KLHL1: variants seen among roughly 807,000 people sequenced by gnomAD.
KLHL1 encodes the protein kelch like family member 1.
KLHL1 carries 47 observed loss-of-function variants against 77.7 expected under a neutral mutation model. That is an observed-to-expected ratio of 0.60 (90% CI 0.48 to 0.77). The LOEUF is 0.77. Among genes scored for constraint, KLHL1 ranks in the 30% least tolerant of loss-of-function variants. KLHL1 has a pLI of 0.00. For synonymous variants in KLHL1, 360 were observed against 325.2 expected (o/e 1.11, Z -1.15); for missense variants, 925 against 910.8 (o/e 1.02, Z -0.20).
chr13:69,739,203 G>A (rs995203264), intron 8 of KLHL1, among the ~76,000 whole-genome samples: 1 of 152,180 alleles, frequency 6.6e-6, no homozygotes, highest in African/African-American at 2.4e-5. Flanking sequence ...AGCAAATGCT[G>A]AGGGAATTTG....
At chr13:70,046,680 T>C (rs1886505431) in intron 1 of KLHL1, among the ~76,000 whole-genome samples, 1 of 152,018 alleles carries the variant, frequency 6.6e-6, no homozygotes, top group South Asian at 2.1e-4. Context: ...TGTTGTTGTT[T>C]TGTTCTGTTT....
At chr13:70,024,377 G>T (rs868323670) in intron 1 of KLHL1, among the ~76,000 whole-genome samples, 1 of 151,336 alleles carries the variant, frequency 6.6e-6, no homozygotes, top group Non-Finnish European at 1.5e-5. Context: ...AGTGAGAAAG[G>T]GGGAAGAGAG....
chr13:69,924,739 C>T (rs374093787), intron 4 of KLHL1, among the ~76,000 whole-genome samples: 4 of 152,170 alleles, frequency 2.6e-5, no homozygotes, highest in Admixed American at 1.3e-4. Context: ...GAAGAGCAGC[C>T]GCCCTTTAGG....
intron 1 of KLHL1, among the ~76,000 whole-genome samples, chr13:69,990,623 A>G (rs966236322): frequency 1.3e-5 from 2 of 152,074 alleles, no homozygotes; most frequent in Admixed American, 6.6e-5. Flanking sequence ...AGACCTAACT[A>G]TCCTAATTCT....
Position 70,107,316 on chromosome 13 carries a change from C to T in KLHL1, c.384G>A (p.Glu128=). 1 of 1,614,178 alleles carries T rather than the reference C, an allele frequency of 6.2e-7. No homozygotes were observed. Among genetic ancestry groups the T allele is most frequent in the South Asian group, 1.1e-5 (1 of 91,084 alleles). Reference sequence around the variant, plus strand: ...CAGGAAAGTCCATGCCTGGCACCACCTCCTCCTCTAGTGACTCCACGTAGA... The same window carrying T: ...CAGGAAAGTCCATGCCTGGCACCACTTCCTCCTCTAGTGACTCCACGTAGA... The part of the protein sequence containing the change: ...TLFYVESLEE[E]VVPGMDFPGP... Residue 128 remains glutamate, a synonymous_variant, in exon 1 of 11, where the codon GAG becomes GAA. Coordinates refer to ENST00000377844, the MANE Select transcript of KLHL1 (RefSeq NM_020866.3).
At chr13:70,075,475 C>G (rs1433036828) in intron 1 of KLHL1, among the ~76,000 whole-genome samples, 1 of 147,696 alleles carries the variant, frequency 6.8e-6, no homozygotes, top group Non-Finnish European at 1.5e-5. Context: ...CTTATTTGCT[C>G]AAAAACAACT....
intron 3 of KLHL1, among the ~76,000 whole-genome samples, chr13:69,944,710 A>G (rs74090626): frequency 0.13 from 19,503 of 152,132 alleles, 1,954 homozygotes; most frequent in East Asian, 0.29. Flanking sequence ...AAATTGCAAA[A>G]CTGATTATAA....
chr13:69,769,194 A>G lies in KLHL1; in HGVS notation c.1639+27544T>C, dbSNP rs1054534770. ...TAGCAAGGAAATGACATTAGGCCCA[A>G]CTGCTAAGGTTTGAAAAAGATTTTT... On this transcript the variant is annotated intron_variant, in intron 7 of 10. Transcript: ENST00000377844. 4.6e-5 allele frequency among the ~76,000 whole-genome samples: 7 copies of G among 152,162 alleles called. No homozygotes were observed. In the East Asian group the frequency reaches 1.4e-3, roughly 29 times the overall value.
chr13:69,755,137 C>CTTAGA (rs1017998688), intron 7 of KLHL1, among the ~76,000 whole-genome samples: 1 of 152,012 alleles, frequency 6.6e-6, no homozygotes, highest in African/African-American at 2.4e-5. Flanking sequence ...CCCTCATGGG[C>CTTAGA]TTAGAGTCAT....
intron 5 of KLHL1, among the ~76,000 whole-genome samples, chr13:69,847,872 A>C (rs886726354): frequency 6.6e-6 from 1 of 151,654 alleles, no homozygotes; most frequent in Admixed American, 6.6e-5. Context: ...AGCCATGAAT[A>C]ATAAAATATT....
At chr13:70,044,132 C>A (rs563216588) in intron 1 of KLHL1, among the ~76,000 whole-genome samples, 17 of 152,268 alleles carry the variant, frequency 1.1e-4, no homozygotes, top group African/African-American at 3.6e-4. Context: ...TAGCTTCCTT[C>A]TTTTCTTATC....
chr13:69,717,784 G>A (rs1169273376), intron 9 of KLHL1, among the ~76,000 whole-genome samples: 3 of 152,038 alleles, frequency 2.0e-5, no homozygotes, highest in African/African-American at 7.2e-5. Flanking sequence ...ATAAATGATT[G>A]CACATTTGTG....
chr13:69,788,099 G>A (rs1445557347), intron 7 of KLHL1, among the ~76,000 whole-genome samples: 2 of 152,268 alleles, frequency 1.3e-5, no homozygotes, highest in Non-Finnish European at 2.9e-5. Context: ...GGAAGACAGT[G>A]TGGCGATTCC....
intron 6 of KLHL1, among the ~76,000 whole-genome samples, chr13:69,836,994 C>T (rs1271257244): frequency 6.6e-6 from 1 of 151,776 alleles, no homozygotes; most frequent in Non-Finnish European, 1.5e-5. Flanking sequence ...ATGATGAACA[C>T]TTGGGGATTG....
intron 1 of KLHL1, among the ~76,000 whole-genome samples, chr13:70,084,696 A>T (rs1406897797): frequency 7.9e-6 from 1 of 126,248 alleles, no homozygotes; most frequent in African/African-American, 3.0e-5. Flanking sequence ...AGGATGGTCT[A>T]GATATCCTGA....
At chr13:70,015,868 C>T (rs1326989960) in intron 1 of KLHL1, among the ~76,000 whole-genome samples, 1 of 152,084 alleles carries the variant, frequency 6.6e-6, no homozygotes, top group Non-Finnish European at 1.5e-5. Flanking sequence ...TATAATATTA[C>T]CATAACATAA....
At chr13:70,065,155 G>C (rs2137410236) in intron 1 of KLHL1, among the ~76,000 whole-genome samples, 1 of 152,200 alleles carries the variant, frequency 6.6e-6, no homozygotes, top group East Asian at 1.9e-4. Context: ...CCTAACCACA[G>C]TTCTTCCTTC....
intron 7 of KLHL1, among the ~76,000 whole-genome samples, chr13:69,779,013 T>C (rs1399933570): frequency 6.6e-6 from 1 of 152,046 alleles, no homozygotes; most frequent in East Asian, 1.9e-4. Context: ...TTAGTCAGGA[T>C]GGTCTCCATC....
intron 4 of KLHL1, among the ~76,000 whole-genome samples, chr13:69,892,015 A>T (rs1384369527): frequency 6.6e-6 from 1 of 152,118 alleles, no homozygotes; most frequent in Non-Finnish European, 1.5e-5. Flanking sequence ...TTAAACATGC[A>T]TGTATAAATT....
Sources: gnomAD v4.1 joint callset for allele counts (sites outside exome capture counted in the v4.1 genomes callset) on GRCh38, gnomAD v4.1.1 for gene constraint, MANE v1.5 for transcripts, NCBI Gene and HGNC (gene_info 2026-07-23, HGNC 2026-07-21) for gene names.